Variants in NAALADL2 observed in about 807,000 individuals in gnomAD.
NAALADL2 encodes inactive N-acetylated-alpha-linked acidic dipeptidase-like protein 2.
Under a neutral mutation model 87.2 loss-of-function variants are expected in NAALADL2, and 76 were observed. The observed-to-expected ratio is 0.87, with a 90% CI of 0.72 to 1.05. The LOEUF (loss-of-function observed/expected upper bound fraction) is 1.05. NAALADL2 is among the 50% of genes least tolerant of loss of function. NAALADL2 has a pLI of 0.00. For missense variants in NAALADL2, 1,089 were observed against 945.8 expected (o/e 1.15, Z -1.99); for synonymous variants, 354 against 331.0 (o/e 1.07, Z -0.75).
chr3:174,588,871 C>T (rs936520233), intron 2 of NAALADL2, among the ~76,000 whole-genome samples: 8 of 152,152 alleles, frequency 5.3e-5, no homozygotes, highest in Non-Finnish European at 1.0e-4. Flanking sequence ...ATCTCAAACT[C>T]CATGCTATGA....
At chr3:175,117,400 T>A (rs67076295) in intron 2 of NAALADL2, among the ~76,000 whole-genome samples, 1 of 151,778 alleles carries the variant, frequency 6.6e-6, no homozygotes, top group African/African-American at 2.4e-5. Context: ...TAGAAAGAAT[T>A]TAAACAAATT....
intron 5 of NAALADL2, among the ~76,000 whole-genome samples, chr3:175,410,395 G>A (rs892806360): frequency 1.3e-5 from 2 of 152,078 alleles, no homozygotes; most frequent in African/African-American, 4.8e-5. Context: ...AACCCACAGA[G>A]AAGCTCTGTA....
intron 1 of NAALADL2, among the ~76,000 whole-genome samples, chr3:174,546,228 G>T (rs1256123560): frequency 6.6e-6 from 1 of 152,072 alleles, no homozygotes; most frequent in African/African-American, 2.4e-5. Flanking sequence ...GTAGATCTGG[G>T]ACAGGAAGAG....
At chr3:175,653,484 A>G (rs1329052093) in intron 11 of NAALADL2, among the ~76,000 whole-genome samples, 1 of 152,120 alleles carries the variant, frequency 6.6e-6, no homozygotes, top group Non-Finnish European at 1.5e-5. Context: ...ATTTCCATCA[A>G]GTCTTCTGTT....
intron 1 of NAALADL2, among the ~76,000 whole-genome samples, chr3:174,912,726 A>G (rs563312083): frequency 6.6e-6 from 1 of 152,320 alleles, no homozygotes; most frequent in African/African-American, 2.4e-5. Context: ...ATTGTTGGCA[A>G]TGGTCTGTTT....
chr3:175,632,306 CT>C (rs1727896284), intron 11 of NAALADL2, among the ~76,000 whole-genome samples: 1 of 142,424 alleles, frequency 7.0e-6, no homozygotes. Flanking sequence ...CTCTCTCTCT[CT>C]CTCCTACTCC....
chr3:175,421,069 T>C (rs188247693), intron 5 of NAALADL2, among the ~76,000 whole-genome samples: 9 of 152,170 alleles, frequency 5.9e-5, no homozygotes, highest in Middle Eastern at 3.4e-3. Flanking sequence ...CATTTAGTTA[T>C]TCTCTAAGTT....
intron 1 of NAALADL2, among the ~76,000 whole-genome samples, chr3:174,510,653 G>T (rs935211751): frequency 2.6e-5 from 4 of 151,448 alleles, no homozygotes; most frequent in Non-Finnish European, 3.0e-5. Context: ...CCAGCTTTTG[G>T]TTTTTTTGAT....
At chr3:174,611,765 ATT>A (rs570868283) in intron 2 of NAALADL2, among the ~76,000 whole-genome samples, 1 of 140,782 alleles carries the variant, frequency 7.1e-6, no homozygotes, top group Non-Finnish European at 1.6e-5. Flanking sequence ...TAATTTTTGT[ATT>A]TTTTTTTTTA....
chr3:174,906,464 C>A (rs1732969131), intron 1 of NAALADL2, among the ~76,000 whole-genome samples: 1 of 152,110 alleles, frequency 6.6e-6, no homozygotes, highest in Admixed American at 6.6e-5. Flanking sequence ...TGGGTGATCT[C>A]TCTCACTTGT....
chr3:175,545,086 T>C (rs1007846203), intron 9 of NAALADL2, among the ~76,000 whole-genome samples: 2 of 152,174 alleles, frequency 1.3e-5, no homozygotes, highest in Non-Finnish European at 2.9e-5. Context: ...ATTTAGATTT[T>C]TCCAAAAACA....
chr3:174,719,561 G>A (rs1229947533), intron 2 of NAALADL2, among the ~76,000 whole-genome samples: 2 of 152,104 alleles, frequency 1.3e-5, no homozygotes, highest in Non-Finnish European at 2.9e-5. Context: ...TGTAACTCAC[G>A]TATACTCCCT....
chr3:174,559,008 C>T (rs1515585), intron 2 of NAALADL2, among the ~76,000 whole-genome samples: 73,119 of 151,888 alleles, frequency 0.48, 19,338 homozygotes, highest in East Asian at 0.77. Context: ...AGAATGATTG[C>T]TACATAAAGC....
At chr3:175,657,855 C>G (rs1418766719) in intron 11 of NAALADL2, among the ~76,000 whole-genome samples, 1 of 151,952 alleles carries the variant, frequency 6.6e-6, no homozygotes, top group Non-Finnish European at 1.5e-5. Flanking sequence ...GGATTACAGG[C>G]GTGAGCCACC....
chr3:174,818,568 G>A (rs1166263617), intron 3 of NAALADL2, among the ~76,000 whole-genome samples: 1 of 152,128 alleles, frequency 6.6e-6, no homozygotes, highest in Non-Finnish European at 1.5e-5. Context: ...AGGAAACTGT[G>A]TCACCTTTGT....
intron 2 of NAALADL2, among the ~76,000 whole-genome samples, chr3:175,221,241 A>G (rs903423395): frequency 6.6e-6 from 1 of 151,410 alleles, no homozygotes; most frequent in Non-Finnish European, 1.5e-5. Flanking sequence ...CTATTTCACC[A>G]TAGACTTATT....
chr3:175,738,955 T>C (rs1407509458), intron 12 of NAALADL2, among the ~76,000 whole-genome samples: 2 of 152,328 alleles, frequency 1.3e-5, no homozygotes, highest in East Asian at 3.9e-4. Context: ...ATTTATTCTG[T>C]AAACTGTTTT....
At chr3:175,279,913 A>G (rs1272771123) in intron 4 of NAALADL2, among the ~76,000 whole-genome samples, 2 of 151,840 alleles carry the variant, frequency 1.3e-5, no homozygotes, top group Admixed American at 1.3e-4. Flanking sequence ...CTTCCCTAGA[A>G]TTTTAGAAGC....
intron 9 of NAALADL2, among the ~76,000 whole-genome samples, chr3:175,473,826 T>A (rs1345114865): frequency 1.3e-5 from 2 of 152,270 alleles, no homozygotes; most frequent in East Asian, 3.9e-4. Context: ...AGAACATATG[T>A]AACTTCATTT....
Sources: allele counts gnomAD v4.1 joint callset (sites outside exome capture counted in the v4.1 genomes callset), GRCh38; gene constraint gnomAD v4.1.1; transcripts MANE v1.5; gene names NCBI Gene and HGNC (gene_info 2026-07-23, HGNC 2026-07-21).